Variants in ATP2B2 observed in about 807,000 individuals in gnomAD.
ATP2B2 encodes the protein plasma membrane calcium-transporting ATPase 2.
ATP2B2 carries 15 observed loss-of-function variants against 120.0 expected under a neutral mutation model. The ratio of observed to expected loss-of-function variants is 0.12; its 90% confidence interval spans 0.08 to 0.19. The LOEUF (loss-of-function observed/expected upper bound fraction) is 0.19. Ranked by LOEUF, ATP2B2 falls within the 10% of genes least tolerant of loss-of-function variation. The pLI is 1.00. For missense variants in ATP2B2, 1,045 were observed against 1,719.8 expected, an observed-to-expected ratio of 0.61 and a Z score of 6.94; for synonymous variants, 694 against 700.3, an observed-to-expected ratio of 0.99 and a Z score of 0.14.
chr3:10,471,470 C>T (rs142260871), intron 1 of ATP2B2, among the ~76,000 whole-genome samples: 1 of 151,334 alleles, frequency 6.6e-6, no homozygotes, highest in East Asian at 1.9e-4. Context: ...AAGCCTCTTA[C>T]TGGAGGGAGT....
intron 2 of ATP2B2, among the ~76,000 whole-genome samples, chr3:10,536,389 A>T (rs1047902214): frequency 2.4e-5 from 3 of 123,724 alleles, no homozygotes; most frequent in African/African-American, 9.2e-5. Context: ...TGTTTTATGG[A>T]TTTGCTTTCC....
At chr3:10,543,520 G>A (rs2067481583) in intron 2 of ATP2B2, among the ~76,000 whole-genome samples, 1 of 152,112 alleles carries the variant, frequency 6.6e-6, no homozygotes, top group Non-Finnish European at 1.5e-5. Flanking sequence ...TTGTTAAAGA[G>A]ACTTGTAAAA....
chr3:10,406,452 T>A (rs1266536329), intron 3 of ATP2B2, among the ~76,000 whole-genome samples: 3 of 152,214 alleles, frequency 2.0e-5, no homozygotes, highest in Non-Finnish European at 2.9e-5. Context: ...CTCATAATAT[T>A]ATAATACTGC....
At chr3:10,654,021 T>C (rs557159652) in intron 1 of ATP2B2, among the ~76,000 whole-genome samples, 2 of 152,274 alleles carry the variant, frequency 1.3e-5, no homozygotes, top group African/African-American at 2.4e-5. Context: ...AACCTCATTA[T>C]TGCTGAACTC....
intron 1 of ATP2B2, among the ~76,000 whole-genome samples, chr3:10,633,853 A>G (rs1213127381): frequency 6.6e-6 from 1 of 152,176 alleles, no homozygotes; most frequent in East Asian, 1.9e-4. Context: ...CCCATTCTCC[A>G]TGCTGCCAAG....
Position 10,583,914 on chromosome 3 carries a change from C to T in ATP2B2, c.-415+36003G>A, listed in dbSNP as rs567175789. Among the ~76,000 whole-genome samples the T allele has an allele frequency of 6.6e-5, 10 of 152,310 alleles. No homozygotes were observed. The East Asian group carries it at 1.9e-3, about 29-fold the overall frequency. On this transcript the variant is annotated intron_variant, in intron 2 of 21. Transcript: ENST00000646379. ...AAACAACTCAGCAAATACTGGAAAGCAAACAAAGCAGCTGTGCCCAGGACC... is the reference window on the plus strand; with the variant it reads ...AAACAACTCAGCAAATACTGGAAAGTAAACAAAGCAGCTGTGCCCAGGACC...
chr3:10,370,261 G>GCCCA (rs2061186340), intron 12 of ATP2B2, among the ~76,000 whole-genome samples: 1 of 152,196 alleles, frequency 6.6e-6, no homozygotes. Flanking sequence ...CTCAATCCAA[G>GCCCA]CCCACCCCAC....
intron 1 of ATP2B2, among the ~76,000 whole-genome samples, chr3:10,460,417 C>G (rs1322807875): frequency 3.9e-5 from 6 of 152,156 alleles, no homozygotes; most frequent in Non-Finnish European, 7.4e-5. Context: ...GGTGCTGACA[C>G]AGAGCAGGAT....
chr3:10,518,368 A>G lies in ATP2B2; in HGVS notation c.-320+15671T>C, dbSNP rs117369802. 9.3e-4 allele frequency among the ~76,000 whole-genome samples: 141 copies of G among 152,288 alleles called. No individual in the cohort carries two copies. In the East Asian group the frequency reaches 0.012, roughly 13 times the overall value. ...ATGCGGACTCGCGTCTGCCTTTGGAAACCAGGACCGTGGGTTTAGGCAGCT... is the reference window on the plus strand; with the variant it reads ...ATGCGGACTCGCGTCTGCCTTTGGAGACCAGGACCGTGGGTTTAGGCAGCT... On this transcript the variant is annotated intron_variant, in intron 3 of 21. Transcript: ENST00000646379.
chr3:10,691,394 A>C (rs894288073), intron 1 of ATP2B2, among the ~76,000 whole-genome samples: 1 of 152,180 alleles, frequency 6.6e-6, no homozygotes, highest in African/African-American at 2.4e-5. Flanking sequence ...CACATACCTC[A>C]GTAGTTATGG....
At chr3:10,589,806 C>A (rs1405757962) in intron 2 of ATP2B2, among the ~76,000 whole-genome samples, 1 of 152,156 alleles carries the variant, frequency 6.6e-6, no homozygotes, top group Non-Finnish European at 1.5e-5. Context: ...GATGTGGAAC[C>A]ACTGGAGCTC....
intron 1 of ATP2B2, among the ~76,000 whole-genome samples, chr3:10,485,337 G>A (rs1403592343): frequency 2.0e-5 from 3 of 152,222 alleles, no homozygotes; most frequent in Non-Finnish European, 2.9e-5. Context: ...GAGCTGGTGG[G>A]TGACAGGGCT....
At position 10,375,529 on chromosome 3, in the gene ATP2B2, G is replaced by A. The variant is rs1006529427; in HGVS notation, c.1317C>T (p.Tyr439=). ...CGCCAATGATGAAGAACTTGACAAAGTACTGCACGTAGACGGGCGTGCACT... is the reference window on the plus strand; with the variant it reads ...CGCCAATGATGAAGAACTTGACAAAATACTGCACGTAGACGGGCGTGCACT... The part of the protein sequence containing the change: ...LPECTPVYVQ[Y]FVKFFIIGVT... The change falls in exon 11 of 23, where the codon TAC becomes TAT. Residue 439 remains tyrosine, a synonymous_variant. Coordinates refer to ENST00000360273, the MANE Select transcript of ATP2B2 (RefSeq NM_001001331.4). The surrounding 1 kb of genome is among the most constrained non-coding windows in gnomAD (Gnocchi z 4.2). 2.5e-6 allele frequency: 4 copies of A among 1,613,590 alleles called. No individual in the cohort carries two copies. Among genetic ancestry groups the A allele is most frequent in the Admixed American group, 3.3e-5 (2 of 60,010 alleles).
intron 1 of ATP2B2, among the ~76,000 whole-genome samples, chr3:10,457,807 C>A (rs2064325798): frequency 9.4e-6 from 1 of 106,396 alleles, no homozygotes; most frequent in African/African-American, 2.9e-5. Context: ...AAAGGAAAAT[C>A]TAAAAAAAAA....
intron 1 of ATP2B2, among the ~76,000 whole-genome samples, chr3:10,451,420 A>G (rs1354616635): frequency 6.6e-6 from 1 of 152,164 alleles, no homozygotes; most frequent in African/African-American, 2.4e-5. Flanking sequence ...TGGGGGCAAA[A>G]CAGTCTCTCT....
In ATP2B2 at chr3:10,664,112, T is replaced by C. The variant is rs149083970; in HGVS notation, c.-460+43803A>G. Among the ~76,000 whole-genome samples the C allele has an allele frequency of 2.8e-3, 422 of 152,172 alleles. 1 individual carries two copies. The highest frequency in any genetic ancestry group is 9.7e-3 in the African/African-American group (403 of 41,502). On this transcript the variant is annotated intron_variant, in intron 1 of 21. Coordinates refer to the ATP2B2 transcript ENST00000646379. ...TGCGGAAATAGAGGCTCAGGGAGGC[T>C]GAGCAGAGTCTAAGAGCCAGGGAGT...
At chr3:10,570,810 C>T (rs1007108736) in intron 2 of ATP2B2, among the ~76,000 whole-genome samples, 1 of 152,266 alleles carries the variant, frequency 6.6e-6, no homozygotes, top group African/African-American at 2.4e-5. Flanking sequence ...CAGGACTTCG[C>T]AGCACCTCAA....
chr3:10,683,773 T>TGC (rs2071446977), intron 1 of ATP2B2, among the ~76,000 whole-genome samples: 1 of 83,646 alleles, frequency 1.2e-5, no homozygotes, highest in Non-Finnish European at 2.2e-5. Context: ...TATATATATA[T>TGC]ATATATATAT....
intron 2 of ATP2B2, among the ~76,000 whole-genome samples, chr3:10,609,711 C>A (rs1427253039): frequency 4.6e-5 from 7 of 152,124 alleles, no homozygotes; most frequent in Admixed American, 4.6e-4. Context: ...GGAATGCATA[C>A]AAAATCACAA....
Sources: gnomAD v4.1 joint callset for allele counts (sites outside exome capture counted in the v4.1 genomes callset) on GRCh38, gnomAD v4.1.1 for gene constraint, Gnocchi (gnomAD v3.1) non-coding constraint, MANE v1.5 for transcripts, NCBI Gene and HGNC (gene_info 2026-07-23, HGNC 2026-07-21) for gene names.